Variants in HSP90AA1 observed in about 807,000 individuals in gnomAD.
HSP90AA1 encodes the protein heat shock protein 90 alpha family class A member 1, also known as heat shock protein HSP 90-alpha.
In HSP90AA1, 18 loss-of-function variants were observed where a neutral mutation model predicts 73.3. The ratio of observed to expected loss-of-function variants is 0.25; its 90% CI spans 0.17 to 0.36. The LOEUF (loss-of-function observed/expected upper bound fraction) is 0.36. HSP90AA1 is among the 10% of genes least tolerant of loss of function. HSP90AA1 has a pLI of 1.00. For synonymous variants in HSP90AA1, 477 were observed against 296.9 expected, an observed-to-expected ratio of 1.61 and a Z score of -6.24; for missense variants, 704 against 874.2, an observed-to-expected ratio of 0.81 and a Z score of 2.45.
At chr14:102,090,599 G>A (rs144157373), upstream of HSP90AA1, among the ~76,000 whole-genome samples, 70 of 152,058 alleles carry the variant, frequency 4.6e-4, no homozygotes, top group Non-Finnish European at 7.1e-4. Context: ...ACAGGCGCCC[G>A]CCACCACACC....
In HSP90AA1 at chr14:102,113,337, G is replaced by T. The variant is rs191083856; in HGVS notation, c.156-11252C>A. ...CCGCGCCCGGCTTGCTTGCTTGCTT[G>T]CTTTCTCTCTCTCTCTCTCTTTCTT... On this transcript the variant is annotated intron_variant, in intron 1 of 11. Coordinates refer to the HSP90AA1 transcript ENST00000334701. Among the ~76,000 whole-genome samples, 42 of 148,302 alleles carry T rather than the reference G, an allele frequency of 2.8e-4. No individual in the cohort carries two copies. In the East Asian group the frequency reaches 7.9e-3, roughly 28 times the overall value.
chr14:102,095,519 G>A (rs1408612636), intron 2 of HSP90AA1, among the ~76,000 whole-genome samples: 1 of 152,208 alleles, frequency 6.6e-6, no homozygotes. Context: ...AGCAGAGGCA[G>A]CTCCCTCAGG....
chr14:102,084,317 A>T, intron 6 of HSP90AA1, 82 bp downstream of exon 6: 1 of 1,325,160 alleles, frequency 7.5e-7, no homozygotes, highest in Non-Finnish European at 1.1e-6. Flanking sequence ...AAGTGCTAGG[A>T]TTATAGGTGT....
upstream of HSP90AA1, chr14:102,087,178 C>T (rs2152614039): frequency 4.1e-6 from 4 of 982,382 alleles, no homozygotes; most frequent in South Asian, 4.7e-5. Context: ...ACGCATGCGC[C>T]GTTGCCGCGG....
chr14:102,099,710 C>A (rs1406432248), intron 2 of HSP90AA1, among the ~76,000 whole-genome samples: 8 of 152,300 alleles, frequency 5.3e-5, no homozygotes, highest in African/African-American at 1.9e-4. Flanking sequence ...AGGCCAGTGG[C>A]TGATGTTCTT....
At chr14:102,127,649 A>C (rs957538056) in intron 1 of HSP90AA1, among the ~76,000 whole-genome samples, 1 of 152,074 alleles carries the variant, frequency 6.6e-6, no homozygotes, top group African/African-American at 2.4e-5. Flanking sequence ...GTTTTATTAT[A>C]TATATACACA....
chr14:102,083,013 G>C, intron 9 of HSP90AA1, 21 bp downstream of exon 9: 1 of 1,609,482 alleles, frequency 6.2e-7, no homozygotes, highest in South Asian at 1.1e-5. Context: ...TCAATGATCA[G>C]GAAATGCTGT....
In HSP90AA1 at chr14:102,082,244, A is replaced by G. The variant is rs763588643; in HGVS notation, c.1956T>C (p.Ala652=). The G allele has an allele frequency of 1.9e-6, 3 of 1,613,964 alleles. No homozygotes were observed. The highest frequency in any genetic ancestry group is 1.7e-6 in the Non-Finnish European group (2 of 1,179,842). The change falls in exon 10 of 11, where the codon GCT becomes GCC. Residue 652 remains alanine, a synonymous_variant. Transcript: ENST00000216281. ...IIETLRQKAE[A]DKNDKSVKDL... Reference sequence around the variant, plus strand: ...CCTTCACAGACTTGTCGTTCTTATCAGCCTCTGCCTTTTGCCTTAAGGTCT... The same window carrying G: ...CCTTCACAGACTTGTCGTTCTTATCGGCCTCTGCCTTTTGCCTTAAGGTCT...
At chr14:102,130,221 G>A (rs1201730951) in intron 1 of HSP90AA1, among the ~76,000 whole-genome samples, 2 of 151,946 alleles carry the variant, frequency 1.3e-5, no homozygotes, top group African/African-American at 4.8e-5. Flanking sequence ...CACCTGCCTC[G>A]GCCTCCCAAA....
chr14:102,139,688 G>A (rs1266438876), upstream of HSP90AA1: 8 of 674,852 alleles, frequency 1.2e-5, no homozygotes, highest in Admixed American at 2.4e-4. Flanking sequence ...GCCACACCCG[G>A]GGGAGGAGCC....
intron 10 of HSP90AA1, 92 bp downstream of exon 10, chr14:102,082,019 G>A (rs2049111524): frequency 1.1e-6 from 1 of 916,126 alleles, no homozygotes; most frequent in South Asian, 1.4e-5. Flanking sequence ...GCAGGACAAG[G>A]TGCTCCAAGT....
chr14:102,089,424 T>A (rs894831346), upstream of HSP90AA1, among the ~76,000 whole-genome samples: 4 of 152,224 alleles, frequency 2.6e-5, no homozygotes, highest in Non-Finnish European at 5.9e-5. Flanking sequence ...CAGGACATTT[T>A]TGTCCTGTCT....
At chr14:102,135,263 G>C (rs1325090567) in intron 1 of HSP90AA1, among the ~76,000 whole-genome samples, 2 of 151,458 alleles carry the variant, frequency 1.3e-5, no homozygotes, top group East Asian at 3.9e-4. Flanking sequence ...ACAGGGTGCT[G>C]ATTGGTGTGT....
chr14:102,123,375 G>A (rs540456335), intron 1 of HSP90AA1, among the ~76,000 whole-genome samples: 6 of 152,130 alleles, frequency 3.9e-5, no homozygotes, highest in Non-Finnish European at 7.4e-5. Context: ...GCAACAGAGC[G>A]AGACTCGGTC....
intron 1 of HSP90AA1, among the ~76,000 whole-genome samples, chr14:102,138,381 G>T (rs1347008104): frequency 1.3e-5 from 2 of 152,156 alleles, no homozygotes; most frequent in African/African-American, 4.8e-5. Context: ...TATAGCCATG[G>T]TAACGACAGA....
intron 1 of HSP90AA1, among the ~76,000 whole-genome samples, chr14:102,128,628 C>T (rs1196554137): frequency 3.2e-5 from 2 of 63,042 alleles, no homozygotes; most frequent in Non-Finnish European, 6.8e-5. Context: ...AACTCCGTCT[C>T]GGAAAAAAAA....
chr14:102,095,940 G>A (rs2049418470), intron 2 of HSP90AA1, among the ~76,000 whole-genome samples: 1 of 152,188 alleles, frequency 6.6e-6, no homozygotes, highest in Admixed American at 6.5e-5. Context: ...CACTGAGCCT[G>A]TAGTCCCTCT....
At chr14:102,112,393 C>T (rs1456147576) in intron 1 of HSP90AA1, among the ~76,000 whole-genome samples, 1 of 152,136 alleles carries the variant, frequency 6.6e-6, no homozygotes, top group East Asian at 1.9e-4. Context: ...CCAGGATGGT[C>T]TTGATCTCTT....
chr14:102,120,610 A>G (rs1188263533), intron 1 of HSP90AA1, among the ~76,000 whole-genome samples: 3 of 152,066 alleles, frequency 2.0e-5, no homozygotes, highest in Non-Finnish European at 4.4e-5. Context: ...TCAAACTCAG[A>G]GTTTAATAAA....
Sources: gnomAD v4.1 joint callset for allele counts (sites outside exome capture counted in the v4.1 genomes callset) on GRCh38, gnomAD v4.1.1 for gene constraint, MANE v1.5 for transcripts, NCBI Gene and HGNC (gene_info 2026-07-23, HGNC 2026-07-21) for gene names.